The following DNAH7 variants were observed in gnomAD, a reference collection of about 807,000 sequenced individuals.
DNAH7 encodes dynein axonemal heavy chain 7.
Under a neutral mutation model 444.6 loss-of-function variants are expected in DNAH7, and 397 were observed. That is an observed-to-expected ratio of 0.89 (90% CI 0.82 to 0.97). DNAH7 has a LOEUF of 0.97. Among genes scored for constraint, DNAH7 ranks in the 50% least tolerant of loss-of-function variants. DNAH7 has a pLI of 0.00. For missense variants in DNAH7, 4,902 were observed against 4,800.8 expected, an observed-to-expected ratio of 1.02 and a Z score of -0.62; for synonymous variants, 1,636 against 1,624.4, an observed-to-expected ratio of 1.01 and a Z score of -0.17.
chr2:195,785,703 C>A (rs1461562013), intron 58 of DNAH7, among the ~76,000 whole-genome samples: 1 of 148,836 alleles, frequency 6.7e-6, no homozygotes, highest in African/African-American at 2.5e-5. Context: ...CCTTCTAATT[C>A]ATTAACTGAA....
At chr2:196,048,942 AGTGTGT>A (rs1697299416) in intron 3 of DNAH7, among the ~76,000 whole-genome samples, 1 of 152,196 alleles carries the variant, frequency 6.6e-6, no homozygotes, top group Non-Finnish European at 1.5e-5. Context: ...GGGAAACAAC[AGTGTGT>A]GGTGAGGACT....
At chr2:195,957,540 G>A in intron 18 of DNAH7, 93 bp from the exon 19 acceptor site, 1 of 908,294 alleles carries the variant, frequency 1.1e-6, no homozygotes. Flanking sequence ...TGTCAATGTT[G>A]TATATAATGT....
intron 42 of DNAH7, among the ~76,000 whole-genome samples, chr2:195,859,402 A>G (rs1207545951): frequency 6.6e-6 from 1 of 152,200 alleles, no homozygotes; most frequent in African/African-American, 2.4e-5. Context: ...GTAATATTTT[A>G]GCATATTTTA....
At chr2:195,847,365 A>G (rs1192132196) in intron 46 of DNAH7, among the ~76,000 whole-genome samples, 1 of 152,002 alleles carries the variant, frequency 6.6e-6, no homozygotes, top group East Asian at 1.9e-4. Context: ...ACTAGAGGCC[A>G]TTAACCTAAG....
chr2:195,761,192 A>G (rs1694331963), intron 61 of DNAH7, among the ~76,000 whole-genome samples: 2 of 152,206 alleles, frequency 1.3e-5, no homozygotes, highest in Middle Eastern at 3.4e-3. Flanking sequence ...AAAAAATGCA[A>G]TTAATATGCT....
At chr2:196,036,231 G>A (rs1264584782) in intron 5 of DNAH7, among the ~76,000 whole-genome samples, 3 of 151,736 alleles carry the variant, frequency 2.0e-5, no homozygotes, top group East Asian at 3.9e-4. Context: ...ACAGGGTTTC[G>A]CCATGTTGGC....
chr2:195,806,135 C>A (rs1696698413), intron 54 of DNAH7, among the ~76,000 whole-genome samples: 1 of 150,722 alleles, frequency 6.6e-6, no homozygotes, highest in Admixed American at 6.6e-5. Context: ...ACATTGATAT[C>A]TTTGTGGTAT....
At chr2:196,047,143 T>A (rs1191210419) in intron 5 of DNAH7, among the ~76,000 whole-genome samples, 1 of 152,202 alleles carries the variant, frequency 6.6e-6, no homozygotes, top group African/African-American at 2.4e-5. Context: ...GTATTAACAT[T>A]GCTACCTTTA....
rs547778569 is a variant in DNAH7, at chr2:195,960,212, T to G, written c.2891+48A>C. On this transcript the variant is annotated intron_variant, in intron 18 of 64. Coordinates refer to ENST00000312428, the MANE Select transcript of DNAH7 (RefSeq NM_018897.3). ...AAAAGAACTTTACATTAAACACAAG[T>G]GATTTTGGTAACATAGCATAAACAT... The G allele has an allele frequency of 1.5e-5, 21 of 1,445,536 alleles. No individual in the cohort carries two copies. The South Asian group carries it at 1.9e-4, about 13-fold the overall frequency. The allele number at this position is 1,445,536 out of a possible 1,614,324, so 89.5% of individuals were successfully genotyped here. A position where few individuals can be genotyped will look rare whatever the true frequency, so the allele number is the denominator to read the frequency against.
intron 21 of DNAH7, among the ~76,000 whole-genome samples, chr2:195,926,867 T>C (rs894937718): frequency 6.6e-6 from 1 of 152,046 alleles, no homozygotes; most frequent in African/African-American, 2.4e-5. Flanking sequence ...CCTAGATACA[T>C]TTGGATTGAA....
intron 5 of DNAH7, among the ~76,000 whole-genome samples, chr2:196,032,879 A>G (rs1173508333): frequency 6.6e-6 from 1 of 152,218 alleles, no homozygotes; most frequent in Non-Finnish European, 1.5e-5. Flanking sequence ...ATACTAGCAA[A>G]TCAGATCCAG....
At chr2:196,059,270 T>C (rs928678040) in intron 1 of DNAH7, among the ~76,000 whole-genome samples, 2 of 152,204 alleles carry the variant, frequency 1.3e-5, no homozygotes, top group Middle Eastern at 3.2e-3. Context: ...GCAGTAACCT[T>C]AAGAGAAAGG....
chr2:195,824,338 T>A lies in DNAH7; in HGVS notation c.9208A>T (p.Thr3070Ser). ...GSTCIRLGDS[T>S]IEYAPDFRFY... ...CGGAAGTCAGGTGCATATTCAATTG[T>A]GGAGTCCCCAAGCCGGATACATGTA... is the stretch of plus-strand genomic sequence containing the variant. The change falls in exon 49 of 65, where the codon ACA becomes TCA. Residue 3070 changes from threonine to serine, a missense_variant. Physicochemically the swap from Thr to Ser is moderately conservative, Grantham distance 58. Coordinates refer to ENST00000312428, the MANE Select transcript of DNAH7 (RefSeq NM_018897.3). 1 of 1,613,970 alleles carries A rather than the reference T, an allele frequency of 6.2e-7. No individual in the cohort carries two copies. The highest frequency in any genetic ancestry group is 2.2e-5 in the East Asian group (1 of 44,864).
intron 48 of DNAH7, among the ~76,000 whole-genome samples, chr2:195,832,908 C>T (rs147208948): frequency 5.9e-5 from 9 of 152,150 alleles, no homozygotes; most frequent in Admixed American, 3.3e-4. Context: ...CAATAGACAC[C>T]GCTGTAAGTA....
At chr2:195,933,598 A>G (rs1194965858) in intron 21 of DNAH7, among the ~76,000 whole-genome samples, 7 of 152,102 alleles carry the variant, frequency 4.6e-5, no homozygotes, top group Admixed American at 3.9e-4. Flanking sequence ...TGTCCTTTGT[A>G]GGGACATGGA....
intron 46 of DNAH7, among the ~76,000 whole-genome samples, chr2:195,847,664 A>C (rs1559141488): frequency 6.6e-6 from 1 of 152,190 alleles, no homozygotes; most frequent in Non-Finnish European, 1.5e-5. Context: ...AAACAAAAAA[A>C]ACAAAGATTC....
rs567585059 is a variant in DNAH7 at position 196,055,103 on chromosome 2, C to T, written c.78+2951G>A. Among the ~76,000 whole-genome samples the T allele has an allele frequency of 3.0e-4, 45 of 152,222 alleles. 1 individual carries two copies. In the South Asian group the frequency reaches 7.7e-3, roughly 26 times the overall value. The stretch of plus-strand genomic sequence containing the variant: ...GGCACAATGGCTCACAGCTGTAATC[C>T]CAGCACTTTTGGAAAGCCAAGGCAG... On this transcript the variant is annotated intron_variant, in intron 2 of 64. Transcript: ENST00000312428.
intron 19 of DNAH7, 45 bp from the exon 20 acceptor site, chr2:195,936,837 C>G: frequency 1.5e-6 from 2 of 1,292,110 alleles, no homozygotes; most frequent in East Asian, 2.7e-5. Context: ...ATATTAGATA[C>G]TAACTCTATT....
At chr2:195,967,530 A>G (rs934208116) in intron 17 of DNAH7, among the ~76,000 whole-genome samples, 19 of 152,168 alleles carry the variant, frequency 1.2e-4, no homozygotes, top group African/African-American at 4.6e-4. Flanking sequence ...CCTGTAAGAT[A>G]GGTCTGGTGT....
Sources: allele counts gnomAD v4.1 joint callset (sites outside exome capture counted in the v4.1 genomes callset), GRCh38; gene constraint gnomAD v4.1.1; transcripts MANE v1.5; gene names NCBI Gene and HGNC (gene_info 2026-07-23, HGNC 2026-07-21).